The following LRRK1 variants were observed in gnomAD, a reference collection of about 807,000 sequenced individuals.
The protein encoded by LRRK1 is leucine rich repeat kinase 1.
Under a neutral mutation model 209.1 loss-of-function variants are expected in LRRK1, and 113 were observed. That is an observed-to-expected ratio of 0.54 (90% CI 0.46 to 0.63). LRRK1 has a LOEUF of 0.63. Among genes scored for constraint, LRRK1 ranks in the 30% least tolerant of loss-of-function variants. The pLI is 0.00. For synonymous variants in LRRK1, 1,144 were observed against 1,099.7 expected (o/e 1.04, Z -0.80); for missense variants, 2,284 against 2,632.2 (o/e 0.87, Z 2.89).
rs375867204 is a variant in LRRK1, at chr15:100,936,610, G to A, written c.97+11881G>A. 1.6e-4 allele frequency among the ~76,000 whole-genome samples: 24 copies of A among 152,346 alleles called. 2 individuals carry two copies. Among genetic ancestry groups the A allele is most frequent in the Admixed American group, 7.8e-4 (12 of 15,300 alleles). On this transcript the variant is annotated intron_variant, in intron 2 of 33. Transcript: ENST00000388948. ...GGGCTGGGTTCTACTCCAGCCAAGG[G>A]TCCAGCCTGGGTCTTCCCTCTCAGA...
At chr15:100,998,422 C>G (rs1015828673) in intron 6 of LRRK1, among the ~76,000 whole-genome samples, 4 of 152,198 alleles carry the variant, frequency 2.6e-5, no homozygotes, top group Non-Finnish European at 5.9e-5. Flanking sequence ...CCCCAACCTT[C>G]TATGTCTCAG....
intron 2 of LRRK1, among the ~76,000 whole-genome samples, chr15:100,942,220 C>G (rs2042452854): frequency 6.6e-6 from 1 of 152,142 alleles, no homozygotes; most frequent in South Asian, 2.1e-4. Flanking sequence ...TCGGAAGGAA[C>G]CGGGTTCAAA....
chr15:101,007,057 AC>A (rs2032992258), intron 6 of LRRK1, among the ~76,000 whole-genome samples: 1 of 152,176 alleles, frequency 6.6e-6, no homozygotes, highest in Admixed American at 6.5e-5. Flanking sequence ...TGGTTCAAAG[AC>A]CGGACGGAGT....
chr15:101,004,705 T>G (rs1278588761), intron 6 of LRRK1, among the ~76,000 whole-genome samples: 1 of 152,114 alleles, frequency 6.6e-6, no homozygotes, highest in Non-Finnish European at 1.5e-5. Flanking sequence ...AGAGTCCACG[T>G]GGAGTTAGTT....
At chr15:101,010,352 A>G in intron 7 of LRRK1, 98 bp from the exon 8 acceptor site, 1 of 1,407,514 alleles carries the variant, frequency 7.1e-7, no homozygotes, top group Non-Finnish European at 9.7e-7. Flanking sequence ...ATGGGGAGAA[A>G]AAGAAAAAAA....
chr15:100,928,323 G>T (rs1040858199), intron 2 of LRRK1, among the ~76,000 whole-genome samples: 1 of 152,040 alleles, frequency 6.6e-6, no homozygotes, highest in Non-Finnish European at 1.5e-5. Flanking sequence ...TGATCCCCCC[G>T]CAGGACTCAC....
At chr15:101,010,876 C>G (rs750990552) in intron 9 of LRRK1, 39 bp downstream of exon 9, 3 of 1,584,392 alleles carry the variant, frequency 1.9e-6, no homozygotes, top group Non-Finnish European at 2.6e-6. Flanking sequence ...CCACAGTCAA[C>G]TCTGCCTCTC....
rs1239375693 is a variant in LRRK1 at position 101,027,939 on chromosome 15, C to T, written c.2686+142C>T. The T allele has an allele frequency of 2.7e-6, 2 of 727,714 alleles. No homozygotes were observed. Among genetic ancestry groups the T allele is most frequent in the South Asian group, 1.9e-5 (1 of 52,854 alleles). 45.1% of individuals were successfully genotyped at this position (727,714 alleles called of 1,614,324 possible). On this transcript the variant is annotated intron_variant, in intron 19 of 33. Transcript: ENST00000388948. This position sits in a 1 kb window ranked among gnomAD's most constrained non-coding sequence, Gnocchi z 5.1. ...GCCTTCCATCCCCCTCCCCTTCCTT[C>T]TTCCCTCTCACCCTTCTTTCCTTGG...
intron 27 of LRRK1, 115 bp downstream of exon 27, chr15:101,055,338 T>C: frequency 1.0e-6 from 1 of 997,058 alleles, no homozygotes; most frequent in Non-Finnish European, 1.4e-6. Context: ...CAAAAGCACA[T>C]TTTTCTCACT....
intron 12 of LRRK1, among the ~76,000 whole-genome samples, chr15:101,020,183 A>G (rs935952980): frequency 1.3e-5 from 2 of 152,208 alleles, no homozygotes; most frequent in Non-Finnish European, 1.5e-5. Flanking sequence ...CCCAGAGACA[A>G]CTATGGAGTT....
rs2035073207 is a variant in LRRK1 at position 101,046,291 on chromosome 15, A to AG, written c.3135+144dup. ...AGAGCCATGCCACCAATGTAGTGCC[A>AG]GGGGGCAGGTGTGGCATGGGCTGCT... On this transcript the variant is annotated intron_variant, in intron 21 of 33. Transcript: ENST00000388948. The AG allele has an allele frequency of 5.0e-6, 5 of 994,974 alleles. No homozygotes were observed. The Admixed American group carries it at 8.7e-5, about 17-fold the overall frequency. 61.6% of individuals were successfully genotyped at this position (994,974 alleles called of 1,614,324 possible).
At chr15:101,045,677 T>C (rs1438111074) in intron 20 of LRRK1, among the ~76,000 whole-genome samples, 2 of 152,226 alleles carry the variant, frequency 1.3e-5, no homozygotes, top group Non-Finnish European at 2.9e-5. Flanking sequence ...ATTTGCTGTG[T>C]CTGACATTTT....
At chr15:100,973,381 G>C (rs2031061442) in intron 2 of LRRK1, among the ~76,000 whole-genome samples, 1 of 152,236 alleles carries the variant, frequency 6.6e-6, no homozygotes, top group Non-Finnish European at 1.5e-5. Flanking sequence ...AAAGCGTCTG[G>C]ATGTCCACAC....
rs115628658 is a variant in LRRK1, at chr15:100,979,835, C to G, written c.262-3693C>G. On this transcript the variant is annotated intron_variant, in intron 3 of 33. Coordinates refer to ENST00000388948, the MANE Select transcript of LRRK1 (RefSeq NM_024652.6). Reference sequence around the variant, plus strand: ...AATAAGCACATGAAAAGATGTTCAACATCGTTAGCCATTAGGAAAATGAAA... The same window carrying G: ...AATAAGCACATGAAAAGATGTTCAAGATCGTTAGCCATTAGGAAAATGAAA... Among the ~76,000 whole-genome samples, 1,188 of 152,254 alleles carry G rather than the reference C, an allele frequency of 7.8e-3. 17 individuals are homozygous for G. Among genetic ancestry groups the G allele is most frequent in the African/African-American group, 0.027 (1,141 of 41,516 alleles).
At chr15:100,990,862 TCTC>T (rs2032126866) in intron 6 of LRRK1, among the ~76,000 whole-genome samples, 1 of 152,228 alleles carries the variant, frequency 6.6e-6, no homozygotes, top group Non-Finnish European at 1.5e-5. Context: ...ATGTTCATCT[TCTC>T]CTTTCTGGTA....
Position 101,056,887 on chromosome 15 carries a change from A to G in LRRK1, c.4364A>G (p.Tyr1455Cys). 1 of 1,612,994 alleles carries G rather than the reference A, an allele frequency of 6.2e-7. No individual in the cohort carries two copies. Among genetic ancestry groups the G allele is most frequent in the Non-Finnish European group, 8.5e-7 (1 of 1,179,548 alleles). ...VDMFSYGMVLYELLSGQRPAL... is the reference protein window; with the variant it reads ...VDMFSYGMVLCELLSGQRPAL... Reference sequence around the variant, plus strand: ...ATGTTCTCCTATGGAATGGTGCTCTACGAGTTGCTGTCAGGACAGCGCCCT... The same window carrying G: ...ATGTTCTCCTATGGAATGGTGCTCTGCGAGTTGCTGTCAGGACAGCGCCCT... Residue 1455 changes from tyrosine (Y) to cysteine (C), a missense_variant, in exon 28 of 34, where the codon TAC becomes TGC. By Grantham distance (194) the Tyr-to-Cys change is radical (BLOSUM62 -2). Transcript: ENST00000388948.
At chr15:101,012,890 G>A (rs565347083) in intron 10 of LRRK1, among the ~76,000 whole-genome samples, 8 of 151,524 alleles carry the variant, frequency 5.3e-5, no homozygotes, top group South Asian at 2.1e-4. Flanking sequence ...GGAGCCACGC[G>A]GGGTGCCCCC....
At chr15:101,017,321 C>G (rs144485500) in intron 12 of LRRK1, among the ~76,000 whole-genome samples, 11 of 152,248 alleles carry the variant, frequency 7.2e-5, no homozygotes, top group African/African-American at 2.6e-4. Context: ...GAGTATGATA[C>G]ACATAGAGAT....
chr15:101,011,403 G>A (rs1171500490), intron 9 of LRRK1, among the ~76,000 whole-genome samples: 2 of 151,446 alleles, frequency 1.3e-5, no homozygotes, highest in Admixed American at 6.6e-5. Context: ...TTTTACCGGG[G>A]AGGCAGAGGT....
Sources: gnomAD v4.1 joint callset for allele counts (sites outside exome capture counted in the v4.1 genomes callset) on GRCh38, gnomAD v4.1.1 for gene constraint, Gnocchi (gnomAD v3.1) non-coding constraint, MANE v1.5 for transcripts, NCBI Gene and HGNC (gene_info 2026-07-23, HGNC 2026-07-21) for gene names.